Variants in LYPD5 observed in about 807,000 individuals in gnomAD.
LYPD5 encodes the protein ly6/PLAUR domain-containing protein 5.
In LYPD5, 21 loss-of-function variants were observed where a neutral mutation model predicts 19.1. The ratio of observed to expected loss-of-function variants is 1.10; its 90% confidence interval spans 0.78 to 1.58. The LOEUF is 1.58. LYPD5 is among the 40% of genes most tolerant of loss of function. LYPD5 has a pLI of 0.00. For missense variants in LYPD5, 287 were observed against 329.8 expected (o/e 0.87, Z 1.00); for synonymous variants, 128 against 142.7 (o/e 0.90, Z 0.74).
At chr19:43,802,279 C>T in intron 1 of LYPD5, 38 bp downstream of exon 1, 2 of 1,536,880 alleles carry the variant, frequency 1.3e-6, no homozygotes, top group Non-Finnish European at 1.8e-6. Flanking sequence ...TCCAGGCCAC[C>T]TGCCCCTTCT....
At chr19:43,806,834 C>T (rs1044057624), upstream of LYPD5, among the ~76,000 whole-genome samples, 5 of 152,170 alleles carry the variant, frequency 3.3e-5, no homozygotes, top group African/African-American at 1.2e-4. Flanking sequence ...ATCCCCCACT[C>T]CCCAGGTCCA....
At chr19:43,802,464 G>A (rs1319581714), upstream of LYPD5, 19 of 1,295,622 alleles carry the variant, frequency 1.5e-5, no homozygotes, top group Non-Finnish European at 2.1e-5. Flanking sequence ...TAAGCATCCC[G>A]GCCACCCAGC....
At chr19:43,800,877 C>A (rs552202164) in intron 1 of LYPD5, among the ~76,000 whole-genome samples, 9 of 151,736 alleles carry the variant, frequency 5.9e-5, no homozygotes, top group African/African-American at 2.2e-4. Flanking sequence ...ACGAGAATTG[C>A]TGGAGCCTGG....
intron 1 of LYPD5, among the ~76,000 whole-genome samples, chr19:43,812,002 C>T (rs1438929992): frequency 6.6e-6 from 1 of 152,076 alleles, no homozygotes; most frequent in Non-Finnish European, 1.5e-5. Context: ...TTCTGCTGGG[C>T]TCTGTCATGT....
intron 1 of LYPD5, among the ~76,000 whole-genome samples, chr19:43,811,936 T>G (rs1183603588): frequency 6.6e-6 from 1 of 152,194 alleles, no homozygotes; most frequent in African/African-American, 2.4e-5. Flanking sequence ...TTTACCCCTC[T>G]CCAAATCCTG....
rs148253541 is a variant in LYPD5, at chr19:43,808,478, C to A, written c.-65-8644G>T. Among the ~76,000 whole-genome samples the A allele has an allele frequency of 8.9e-4, 136 of 152,290 alleles. 1 individual carries two copies. The highest frequency in any genetic ancestry group is 3.1e-3 in the African/African-American group (128 of 41,560). ...GGGTTTAATATTTAAATATTCACATCTAAAGAGTTTAATATTTAAATTAGG... is the reference window on the plus strand; with the variant it reads ...GGGTTTAATATTTAAATATTCACATATAAAGAGTTTAATATTTAAATTAGG... On this transcript the variant is annotated intron_variant, in intron 1 of 4. Coordinates refer to the LYPD5 transcript ENST00000414615.
intron 1 of LYPD5, among the ~76,000 whole-genome samples, chr19:43,815,299 G>C (rs966233929): frequency 3.3e-5 from 5 of 151,900 alleles, no homozygotes; most frequent in South Asian, 4.2e-4. Flanking sequence ...GAGGCCAGGA[G>C]TTTGAGGCCA....
chr19:43,799,200 G>GGAA (rs1970185754), intron 2 of LYPD5: 1 of 588,750 alleles, frequency 1.7e-6, no homozygotes, highest in Non-Finnish European at 2.9e-6. Flanking sequence ...TCTCTTCCTT[G>GGAA]CTTCCCCATT....
At chr19:43,813,908 G>A (rs1191514969) in intron 1 of LYPD5, among the ~76,000 whole-genome samples, 2 of 152,080 alleles carry the variant, frequency 1.3e-5, no homozygotes, top group East Asian at 1.9e-4. Context: ...GGCTGGTCTC[G>A]AACTCCTGAC....
At chr19:43,804,667 C>T (rs1207020113), upstream of LYPD5, among the ~76,000 whole-genome samples, 1 of 152,192 alleles carries the variant, frequency 6.6e-6, no homozygotes, top group African/African-American at 2.4e-5. Context: ...CATCAGGCCT[C>T]ACTTCCCAGA....
intron 1 of LYPD5, among the ~76,000 whole-genome samples, chr19:43,816,174 T>C (rs1031532304): frequency 8.5e-5 from 13 of 152,240 alleles, no homozygotes; most frequent in Non-Finnish European, 1.9e-4. Flanking sequence ...TAATAACTTA[T>C]TCTTTACCTT....
chr19:43,813,373 T>C (rs1174760813), intron 1 of LYPD5, among the ~76,000 whole-genome samples: 1 of 152,214 alleles, frequency 6.6e-6, no homozygotes, highest in African/African-American at 2.4e-5. Context: ...TCTTCCACCA[T>C]GATTGTAAGC....
intron 1 of LYPD5, among the ~76,000 whole-genome samples, chr19:43,819,460 G>A (rs1488025829): frequency 2.0e-5 from 3 of 151,758 alleles, no homozygotes; most frequent in East Asian, 1.9e-4. Context: ...TACAGTGACC[G>A]GTAGCACAGG....
rs1326851191 is a variant in LYPD5 at position 43,809,214 on chromosome 19, A to G, written c.-65-9380T>C. Among the ~76,000 whole-genome samples, 3 of 149,896 alleles carry G rather than the reference A, an allele frequency of 2.0e-5. No individual in the cohort carries two copies. In the East Asian group the frequency reaches 6.0e-4, roughly 30 times the overall value. On this transcript the variant is annotated intron_variant, in intron 1 of 4. Coordinates refer to the LYPD5 transcript ENST00000414615. Reference sequence around the variant, plus strand: ...GCCACTACACCCGGCTAATTTTTGCATTTTTAGTAGAGACTTGGTTTCACC... The same window carrying G: ...GCCACTACACCCGGCTAATTTTTGCGTTTTTAGTAGAGACTTGGTTTCACC...
intron 1 of LYPD5, 22 bp downstream of exon 1, chr19:43,802,295 C>T (rs1970233368): frequency 6.5e-7 from 1 of 1,549,782 alleles, no homozygotes; most frequent in East Asian, 2.4e-5. Flanking sequence ...CTTCTCACTA[C>T]TGGATTCAGA....
chr19:43,818,917 T>C (rs1486040365), intron 1 of LYPD5, among the ~76,000 whole-genome samples: 3 of 152,242 alleles, frequency 2.0e-5, no homozygotes, highest in African/African-American at 4.8e-5. Context: ...CTGTCTCTTC[T>C]TGTCAATTCT....
upstream of LYPD5, among the ~76,000 whole-genome samples, chr19:43,806,008 A>C (rs1438879859): frequency 2.6e-5 from 4 of 151,282 alleles, no homozygotes; most frequent in African/African-American, 9.7e-5. Context: ...TCCTCCCCAC[A>C]CCCCCTGGCA....
chr19:43,810,163 C>T (rs1013068054), intron 1 of LYPD5, among the ~76,000 whole-genome samples: 7 of 152,194 alleles, frequency 4.6e-5, no homozygotes, highest in Non-Finnish European at 5.9e-5. Context: ...AACAACTGCA[C>T]ATGGTGACAG....
Position 43,797,679 on chromosome 19 carries a change from G to A in LYPD5, c.668C>T (p.Thr223Ile), listed in dbSNP as rs1378717894. The part of the protein sequence containing the change: ...CNRKSMTQPF[T>I]SASATTPPRA... Reference sequence around the variant, plus strand: ...GGGAGGGGTGGTGGCTGAAGCACTGGTGAAGGGCTGGGTCATGGATTTCCT... The same window carrying A: ...GGGAGGGGTGGTGGCTGAAGCACTGATGAAGGGCTGGGTCATGGATTTCCT... The change falls in exon 5 of 5, where the codon ACC becomes ATC. Residue 223 changes from threonine to isoleucine, a missense_variant. By Grantham distance (89) the Thr-to-Ile change is moderately conservative. Transcript: ENST00000377950. 4 of 1,613,878 alleles carry A rather than the reference G, an allele frequency of 2.5e-6. No individual in the cohort carries two copies. The highest frequency in any genetic ancestry group is 3.4e-6 in the Non-Finnish European group (4 of 1,179,904).
Sources: gnomAD v4.1 joint callset for allele counts (sites outside exome capture counted in the v4.1 genomes callset) on GRCh38, gnomAD v4.1.1 for gene constraint, MANE v1.5 for transcripts, NCBI Gene and HGNC (gene_info 2026-07-23, HGNC 2026-07-21) for gene names.